The following PDE4D variants were observed in gnomAD, a reference collection of about 807,000 sequenced individuals.
PDE4D encodes 3',5'-cyclic-AMP phosphodiesterase 4D.
A neutral mutation model predicts 87.4 loss-of-function variants in PDE4D; 24 were observed. The observed-to-expected ratio is 0.27, with a 90% CI of 0.20 to 0.39. PDE4D has a LOEUF of 0.39. Among genes scored for constraint, PDE4D ranks in the 10% least tolerant of loss-of-function variants. PDE4D has a pLI of 1.00. For missense variants in PDE4D, 714 were observed against 1,041.0 expected (o/e 0.69, Z 4.32); for synonymous variants, 384 against 383.2 (o/e 1.00, Z -0.02).
intron 3 of PDE4D, among the ~76,000 whole-genome samples, chr5:59,979,421 G>GGTGTGTGTGCGTGTGT (rs1761681075): frequency 6.8e-6 from 1 of 147,630 alleles, no homozygotes; most frequent in Admixed American, 6.8e-5. Flanking sequence ...CACAGCAAGG[G>GGTGTGTGTGCGTGTGT]GTGTGTGTGT....
chr5:59,163,305 CT>C (rs577386538), intron 5 of PDE4D, among the ~76,000 whole-genome samples: 179 of 137,640 alleles, frequency 1.3e-3, no homozygotes, highest in African/African-American at 4.6e-3. Context: ...GACAGTTTCA[CT>C]TTTTGCCTAG....
chr5:59,215,692 A>G, intron 2 of PDE4D, 85 bp downstream of exon 2: 1 of 1,163,560 alleles, frequency 8.6e-7, no homozygotes, highest in Admixed American at 1.8e-5. Context: ...ATACAGTTGA[A>G]CAAAAGTCAT....
chr5:59,722,749 G>A (rs1756033448), intron 1 of PDE4D, among the ~76,000 whole-genome samples: 1 of 152,044 alleles, frequency 6.6e-6, no homozygotes. Context: ...GTTATATGTT[G>A]AACATTTAAG....
chr5:59,551,535 C>A (rs1431212744), intron 1 of PDE4D, among the ~76,000 whole-genome samples: 1 of 151,128 alleles, frequency 6.6e-6, no homozygotes, highest in African/African-American at 2.4e-5. Flanking sequence ...ATAGTCTATC[C>A]AAATCAACTT....
At chr5:59,251,107 C>T (rs1759854561) in intron 1 of PDE4D, among the ~76,000 whole-genome samples, 1 of 152,076 alleles carries the variant, frequency 6.6e-6, no homozygotes, top group Non-Finnish European at 1.5e-5. Context: ...CCATCCTGAA[C>T]ATAGCAGCAG....
intron 5 of PDE4D, among the ~76,000 whole-genome samples, chr5:59,111,336 A>C (rs1772602512): frequency 6.6e-6 from 1 of 152,282 alleles, no homozygotes; most frequent in East Asian, 1.9e-4. Context: ...AGCTATGACT[A>C]TGCAAGCATG....
chr5:59,604,989 G>C (rs1400387033), intron 1 of PDE4D, among the ~76,000 whole-genome samples: 2 of 151,804 alleles, frequency 1.3e-5, no homozygotes, highest in African/African-American at 4.8e-5. Flanking sequence ...CTGTTTATAA[G>C]ACCAACAAAA....
At chr5:59,353,660 T>G (rs1441187903) in intron 1 of PDE4D, among the ~76,000 whole-genome samples, 1 of 152,010 alleles carries the variant, frequency 6.6e-6, no homozygotes, top group Non-Finnish European at 1.5e-5. Context: ...TTCCTTATTA[T>G]GTAACCCTCT....
intron 1 of PDE4D, among the ~76,000 whole-genome samples, chr5:59,383,608 G>A (rs1786359419): frequency 6.6e-6 from 1 of 152,092 alleles, no homozygotes; most frequent in Non-Finnish European, 1.5e-5. Flanking sequence ...AAATAGGGGT[G>A]TCTGTTTTGT....
intron 1 of PDE4D, among the ~76,000 whole-genome samples, chr5:59,687,665 G>A (rs1750125134): frequency 1.3e-5 from 2 of 152,132 alleles, no homozygotes; most frequent in Admixed American, 6.6e-5. Flanking sequence ...ATCAACTAAT[G>A]AGCAAAATAA....
intron 1 of PDE4D, among the ~76,000 whole-genome samples, chr5:59,771,534 G>GA (rs1157759892): frequency 6.1e-5 from 9 of 147,522 alleles, no homozygotes; most frequent in African/African-American, 2.4e-4. Flanking sequence ...AAGAAAGAAA[G>GA]AAAGAAAGAA....
At chr5:60,184,339 A>C (rs1338223424) in intron 2 of PDE4D, among the ~76,000 whole-genome samples, 2 of 152,066 alleles carry the variant, frequency 1.3e-5, no homozygotes, top group African/African-American at 4.8e-5. Flanking sequence ...TAATAAGAAA[A>C]CTCAGTAAGA....
At chr5:60,182,748 C>T (rs773796700) in intron 2 of PDE4D, among the ~76,000 whole-genome samples, 4 of 152,040 alleles carry the variant, frequency 2.6e-5, no homozygotes, top group East Asian at 1.9e-4. Context: ...AGCGTGGTGG[C>T]GGGCACGTGT....
At chr5:59,823,403 C>A (rs1769941160) in intron 1 of PDE4D, among the ~76,000 whole-genome samples, 1 of 152,108 alleles carries the variant, frequency 6.6e-6, no homozygotes, top group Non-Finnish European at 1.5e-5. Flanking sequence ...TTATCTCCAA[C>A]TGCCTGCAGA....
At chr5:59,625,333 T>C (rs1316280914) in intron 1 of PDE4D, among the ~76,000 whole-genome samples, 1 of 152,138 alleles carries the variant, frequency 6.6e-6, no homozygotes, top group African/African-American at 2.4e-5. Flanking sequence ...TATCCTATAA[T>C]TGCAAGAAAC....
At chr5:59,517,406 C>T (rs977797305) in intron 1 of PDE4D, among the ~76,000 whole-genome samples, 1 of 152,140 alleles carries the variant, frequency 6.6e-6, no homozygotes, top group Admixed American at 6.5e-5. Context: ...TTTTAAAGAT[C>T]AAATGCCTAC....
At chr5:59,213,692 A>G (rs896491984) in intron 2 of PDE4D, among the ~76,000 whole-genome samples, 1 of 151,884 alleles carries the variant, frequency 6.6e-6, no homozygotes, top group African/African-American at 2.4e-5. Context: ...TCACTCCTTA[A>G]CCCAGGGGCT....
At chr5:59,911,862 A>G (rs554623942) in intron 3 of PDE4D, among the ~76,000 whole-genome samples, 25 of 152,306 alleles carry the variant, frequency 1.6e-4, no homozygotes, top group African/African-American at 5.8e-4. Context: ...ATGGTAATGT[A>G]TAATGCACTT....
chr5:59,394,576 T>A lies in PDE4D; in HGVS notation c.456-178608A>T, dbSNP rs527978892. 7.2e-5 allele frequency among the ~76,000 whole-genome samples: 10 copies of A among 138,516 alleles called. No homozygotes were observed. The South Asian group carries it at 2.4e-3, about 33-fold the overall frequency. The allele number at this position is 138,516 out of a possible 152,430, so 90.9% of individuals were successfully genotyped here. ...AAGTTAATTAACAATTTATTGAGCATATACTATATTACAAGTTTACTATAC... is the reference window on the plus strand; with the variant it reads ...AAGTTAATTAACAATTTATTGAGCAAATACTATATTACAAGTTTACTATAC... On this transcript the variant is annotated intron_variant, in intron 1 of 14. Transcript: ENST00000340635.
Sources: gnomAD v4.1 joint callset for allele counts (sites outside exome capture counted in the v4.1 genomes callset) on GRCh38, gnomAD v4.1.1 for gene constraint, MANE v1.5 for transcripts, NCBI Gene and HGNC (gene_info 2026-07-23, HGNC 2026-07-21) for gene names.